RGS3: variants seen among roughly 807,000 people sequenced by gnomAD.
The protein encoded by RGS3 is regulator of G-protein signalling 3.
In RGS3, 80 loss-of-function variants were observed where a neutral mutation model predicts 132.6. The ratio of observed to expected loss-of-function variants is 0.60; its 90% CI spans 0.50 to 0.73. The LOEUF (loss-of-function observed/expected upper bound fraction) is 0.73. Ranked by LOEUF, RGS3 falls within the 30% of genes least tolerant of loss-of-function variation. The pLI, the probability that RGS3 is intolerant of heterozygous loss-of-function variation, is 0.00. For missense variants in RGS3, 1,382 were observed against 1,530.8 expected (o/e 0.90, Z 1.62); for synonymous variants, 598 against 620.6 (o/e 0.96, Z 0.54).
At chr9:113,590,930 C>G (rs1835387951) in intron 20 of RGS3, among the ~76,000 whole-genome samples, 1 of 152,222 alleles carries the variant, frequency 6.6e-6, no homozygotes, top group African/African-American at 2.4e-5. Context: ...AGAATCCTGA[C>G]TTAATCATTA....
intron 18 of RGS3, among the ~76,000 whole-genome samples, chr9:113,531,217 C>G (rs1176397598): frequency 1.3e-5 from 2 of 152,166 alleles, no homozygotes; most frequent in African/African-American, 2.4e-5. Flanking sequence ...CAGATGCAGC[C>G]CACAATTGGC....
intron 21 of RGS3, chr9:113,594,181 G>A (rs1270604632): frequency 6.2e-7 from 1 of 1,612,874 alleles, no homozygotes; most frequent in African/African-American, 1.3e-5. Context: ...CTGCACCGTT[G>A]CTGCCCGCTG....
chr9:113,501,568 C>T, intron 10 of RGS3: 1 of 1,547,806 alleles, frequency 6.5e-7, no homozygotes, highest in Non-Finnish European at 8.7e-7. Context: ...CGAGGCAGGA[C>T]CCGCAGCCAT....
chr9:113,543,443 C>G (rs1399533779), intron 19 of RGS3, among the ~76,000 whole-genome samples: 1 of 152,242 alleles, frequency 6.6e-6, no homozygotes, highest in African/African-American at 2.4e-5. Flanking sequence ...CAATGCCCCC[C>G]ACCCAGCAAG....
intron 23 of RGS3, 139 bp downstream of exon 21, chr9:113,595,119 GGCTGAGCCCAA>G: frequency 1.2e-6 from 1 of 811,040 alleles, no homozygotes; most frequent in South Asian, 1.6e-5. Context: ...GTTGCGGAGG[GGCTGAGCCCAA>G]GCTGAGGCCC....
chr9:113,525,964 C>G (rs574456538), intron 17 of RGS3, among the ~76,000 whole-genome samples: 1 of 152,244 alleles, frequency 6.6e-6, no homozygotes, highest in Non-Finnish European at 1.5e-5. Context: ...TGCCCAGCCT[C>G]CCCTAGGCTT....
intron 19 of RGS3, among the ~76,000 whole-genome samples, chr9:113,556,259 T>C (rs1392138236): frequency 1.3e-5 from 2 of 152,172 alleles, no homozygotes; most frequent in African/African-American, 2.4e-5. Context: ...CTTTTGGTAA[T>C]TTTTCCTGGT....
Position 113,586,745 on chromosome 9 carries a change from C to T in RGS3, c.3015+2318C>T, listed in dbSNP as rs529341098. Among the ~76,000 whole-genome samples, 18 of 152,350 alleles carry T rather than the reference C, an allele frequency of 1.2e-4. No individual in the cohort carries two copies. The South Asian group carries it at 2.9e-3, about 25-fold the overall frequency. On this transcript the variant is annotated intron_variant, in intron 20 of 24. Coordinates refer to ENST00000350696, the Ensembl canonical transcript of RGS3. ...ATGAAGCCCCGGATGGGACAAACAC[C>T]GTGGTCTAGCTCCATCTCTTACTGG...
At chr9:113,448,686 G>T (rs545233679) in intron 1 of RGS3, among the ~76,000 whole-genome samples, 40 of 152,166 alleles carry the variant, frequency 2.6e-4, no homozygotes, top group African/African-American at 8.9e-4. Flanking sequence ...ATAAATATCC[G>T]GCACCTCACT....
chr9:113,594,843 G>A, intron 22 of RGS3, 76 bp from the exon 21 acceptor site: 1 of 1,444,278 alleles, frequency 6.9e-7, no homozygotes, highest in South Asian at 1.2e-5. Context: ...AGTAAACAAA[G>A]GCCGCCTGGC....
intron 23 of RGS3, 127 bp from the exon 22 acceptor site, chr9:113,595,472 C>T (rs943203562): frequency 2.6e-5 from 27 of 1,037,738 alleles, no homozygotes; most frequent in South Asian, 3.1e-5. Flanking sequence ...TCCTGGCTGT[C>T]GGGGACGGGC....
chr9:113,549,046 A>G (rs1833225818), intron 19 of RGS3, among the ~76,000 whole-genome samples: 1 of 152,180 alleles, frequency 6.6e-6, no homozygotes, highest in African/African-American at 2.4e-5. Flanking sequence ...GGGAGGGAGG[A>G]CAAGGGCCAG....
chr9:113,507,580 C>A lies in RGS3; in HGVS notation c.1379C>A (p.Ala460Asp). 1.3e-6 allele frequency: 2 copies of A among 1,528,120 alleles called. No homozygotes were observed. The highest frequency in any genetic ancestry group is 2.0e-5 in the Admixed American group (1 of 49,312). The allele number at this position is 1,528,120 out of a possible 1,614,324, so 94.7% of individuals were successfully genotyped here. A position where few individuals can be genotyped will look rare whatever the true frequency, so the allele number is the denominator to read the frequency against. ...CACACCCTGCCTGCACTGTCCCGTG[C>A]CACTGCCCCCACCGACCCCAACTAC... Residue 460 changes from alanine (A) to aspartate (D), a missense_variant, in exon 13 of 25, where the codon GCC becomes GAC. By Grantham distance (126) the Ala-to-Asp change is moderately radical (BLOSUM62 -2). Transcript: ENST00000350696. This position sits in a 1 kb window ranked among gnomAD's most constrained non-coding sequence, Gnocchi z 5.0.
chr9:113,473,952 A>G (rs537892707), intron 3 of RGS3, among the ~76,000 whole-genome samples: 1 of 152,236 alleles, frequency 6.6e-6, no homozygotes, highest in African/African-American at 2.4e-5. Flanking sequence ...CAGGACTGCT[A>G]GTGGTGTTAT....
chr9:113,464,859 C>G (rs1484465797), intron 3 of RGS3, among the ~76,000 whole-genome samples: 7 of 152,194 alleles, frequency 4.6e-5, no homozygotes. Context: ...GGGTTCCTGG[C>G]TCTTCTGTTT....
intron 15 of RGS3, 117 bp from the exon 14 acceptor site, chr9:113,517,424 A>G (rs1831734171): frequency 6.2e-6 from 5 of 810,462 alleles, no homozygotes; most frequent in Non-Finnish European, 1.1e-5. Flanking sequence ...GCGGGCTGAC[A>G]GTCTTCTCTG....
Position 113,507,144 on chromosome 9 carries a change from C to T in RGS3, c.1086-143C>T. The T allele has an allele frequency of 1.5e-6, 1 of 652,632 alleles. No individual in the cohort carries two copies. The highest frequency in any genetic ancestry group is 2.6e-6 in the Non-Finnish European group (1 of 383,020). The allele number at this position is 652,632 out of a possible 1,614,324, so 40.4% of individuals were successfully genotyped here. ...TCTTCTTTAAATGGCTTCTTGCATC[C>T]CTTCCTGCCCTGACACTGGGGGCTT... On this transcript the variant is annotated intron_variant, in intron 12 of 24. Transcript: ENST00000350696. The surrounding 1 kb of genome is among the most constrained non-coding windows in gnomAD (Gnocchi z 5.0).
At chr9:113,483,461 C>T (rs1245471817) in intron 5 of RGS3, among the ~76,000 whole-genome samples, 1 of 152,184 alleles carries the variant, frequency 6.6e-6, no homozygotes, top group South Asian at 2.1e-4. Context: ...AAACTAGGGG[C>T]AGGATGGCCA....
intron 18 of RGS3, among the ~76,000 whole-genome samples, chr9:113,534,541 A>G (rs1211939176): frequency 2.0e-5 from 3 of 152,112 alleles, no homozygotes; most frequent in Non-Finnish European, 4.4e-5. Flanking sequence ...CTGTATAAAT[A>G]GTTGTTAAAC....
Sources: gnomAD v4.1 joint callset for allele counts (sites outside exome capture counted in the v4.1 genomes callset) on GRCh38, gnomAD v4.1.1 for gene constraint, Gnocchi (gnomAD v3.1) non-coding constraint, MANE v1.5 for transcripts, NCBI Gene and HGNC (gene_info 2026-07-23, HGNC 2026-07-21) for gene names.